TBC1D30: variants seen among roughly 807,000 people sequenced by gnomAD.
The protein encoded by TBC1D30 is TBC1 domain family, member 30.
A neutral mutation model predicts 63.2 loss-of-function variants in TBC1D30; 31 were observed. The ratio of observed to expected loss-of-function variants is 0.49; its 90% CI spans 0.37 to 0.66. The LOEUF (loss-of-function observed/expected upper bound fraction) is 0.66, where lower values mean the gene tolerates loss of function less well. Among genes scored for constraint, TBC1D30 ranks in the 30% least tolerant of loss-of-function variants. The pLI, the probability that TBC1D30 is intolerant of heterozygous loss-of-function variation, is 0.00. For missense variants in TBC1D30, 810 were observed against 953.6 expected (o/e 0.85, Z 1.98); for synonymous variants, 307 against 361.5 (o/e 0.85, Z 1.71).
chr12:64,822,295 C>T (rs1873932398), upstream of TBC1D30, among the ~76,000 whole-genome samples: 1 of 151,748 alleles, frequency 6.6e-6, no homozygotes, highest in South Asian at 2.1e-4. Context: ...ATCCTCCTGC[C>T]TCAGCCTCTC....
chr12:64,829,223 G>T (rs548963791), intron 3 of TBC1D30, among the ~76,000 whole-genome samples: 1 of 152,224 alleles, frequency 6.6e-6, no homozygotes, highest in African/African-American at 2.4e-5. Context: ...TTATGAACGG[G>T]CTACTCTGGG....
intron 2 of TBC1D30, among the ~76,000 whole-genome samples, chr12:64,800,079 C>G (rs547943903): frequency 3.3e-5 from 5 of 152,312 alleles, no homozygotes; most frequent in Middle Eastern, 3.4e-3. Flanking sequence ...ACACTCCAGC[C>G]TGGGCTACAG....
chr12:64,793,876 AG>A (rs1405165118), intron 2 of TBC1D30, among the ~76,000 whole-genome samples: 5 of 152,040 alleles, frequency 3.3e-5, no homozygotes, highest in Non-Finnish European at 7.4e-5. Context: ...CTCATTGTGG[AG>A]GCTTTCTTTG....
In TBC1D30 at chr12:64,875,145, A is replaced by G. The variant is rs1878944033; in HGVS notation, c.1643A>G (p.Lys548Arg). 18 of 1,536,248 alleles carry G rather than the reference A, an allele frequency of 1.2e-5. No individual in the cohort carries two copies. The highest frequency in any genetic ancestry group is 1.5e-5 in the Non-Finnish European group (17 of 1,146,916). The change falls in exon 12 of 12, where the codon AAA becomes AGA. Residue 548 changes from lysine to arginine, a missense_variant. This residue lies in a region of TBC1D30 where 450 missense variants were observed against 473.0 expected (regional missense o/e 0.95). Transcript: ENST00000539867. ...VIHIPGHTGG[K>R]ISPVPYEDLK... ...CACATCCCTGGTCACACAGGAGGGA[A>G]AATATCTCCTGTCCCCTACGAAGAC...
chr12:64,763,478 C>G (rs766460327), intron 1 of TBC1D30, among the ~76,000 whole-genome samples: 5 of 152,048 alleles, frequency 3.3e-5, no homozygotes, highest in Admixed American at 6.6e-5. Context: ...AATGATTATT[C>G]TCTTCCTCTT....
chr12:64,819,950 G>A (rs1342695252), upstream of TBC1D30, among the ~76,000 whole-genome samples: 3 of 152,104 alleles, frequency 2.0e-5, no homozygotes, highest in African/African-American at 7.2e-5. Context: ...GTGGTCTGAT[G>A]AGATCTCTGA....
intron 1 of TBC1D30, among the ~76,000 whole-genome samples, chr12:64,763,679 G>T (rs570851992): frequency 6.6e-6 from 1 of 151,296 alleles, no homozygotes; most frequent in East Asian, 2.0e-4. Flanking sequence ...CATGATCTCG[G>T]CTCACTACAA....
At chr12:64,797,236 T>C (rs761527274) in intron 2 of TBC1D30, among the ~76,000 whole-genome samples, 1 of 152,188 alleles carries the variant, frequency 6.6e-6, no homozygotes, top group Non-Finnish European at 1.5e-5. Flanking sequence ...TGGGAACTGT[T>C]GGACTGTTTC....
chr12:64,843,801 T>G (rs941590118), intron 8 of TBC1D30, among the ~76,000 whole-genome samples: 1 of 152,220 alleles, frequency 6.6e-6, no homozygotes, highest in Non-Finnish European at 1.5e-5. Flanking sequence ...TTAGTCTTTC[T>G]TTTCTTTTTT....
chr12:64,834,707 C>CTTTTTTTTT (rs11374555), intron 5 of TBC1D30, among the ~76,000 whole-genome samples: 11 of 76,342 alleles, frequency 1.4e-4, no homozygotes, highest in East Asian at 4.5e-4. Flanking sequence ...CCGTGCCGGG[C>CTTTTTTTTT]TTTTTTTTTT....
intron 3 of TBC1D30, 59 bp from the exon 4 acceptor site, chr12:64,830,318 A>G (rs1874733480): frequency 1.4e-6 from 2 of 1,454,260 alleles, no homozygotes; most frequent in South Asian, 2.7e-5. Context: ...CTACTTTCTA[A>G]TAAAGGTGAA....
chr12:64,776,962 AT>A (rs1402584105), upstream of TBC1D30, among the ~76,000 whole-genome samples: 1 of 152,216 alleles, frequency 6.6e-6, no homozygotes, highest in East Asian at 1.9e-4. Flanking sequence ...ACATACACAA[AT>A]CGATAAATGT....
At chr12:64,814,845 C>G (rs1873428721) in intron 2 of TBC1D30, among the ~76,000 whole-genome samples, 1 of 152,154 alleles carries the variant, frequency 6.6e-6, no homozygotes, top group African/African-American at 2.4e-5. Flanking sequence ...CTTTCAAAAA[C>G]AAGACATAAA....
At chr12:64,823,090 A>G (rs571150971), upstream of TBC1D30, among the ~76,000 whole-genome samples, 2 of 152,276 alleles carry the variant, frequency 1.3e-5, no homozygotes, top group East Asian at 3.9e-4. Flanking sequence ...TAAATATATA[A>G]TTGTAATATT....
intron 1 of TBC1D30, 135 bp downstream of exon 1, chr12:64,825,168 G>T (rs1874203918): frequency 1.5e-6 from 2 of 1,294,816 alleles, no homozygotes; most frequent in African/African-American, 1.5e-5. Context: ...GGGGCACCGC[G>T]TTGGCACCTG....
chr12:64,872,669 G>C (rs747952400), intron 11 of TBC1D30, among the ~76,000 whole-genome samples: 1 of 152,196 alleles, frequency 6.6e-6, no homozygotes, highest in Non-Finnish European at 1.5e-5. Context: ...CATGGGGACT[G>C]TATTAGTCTG....
chr12:64,797,445 G>A (rs1169981444), intron 2 of TBC1D30, among the ~76,000 whole-genome samples: 1 of 152,102 alleles, frequency 6.6e-6, no homozygotes, highest in Non-Finnish European at 1.5e-5. Flanking sequence ...TCCACTCTTT[G>A]TCATTTTCAC....
At position 64,843,421 on chromosome 12, in the gene TBC1D30, C is replaced by A; in HGVS notation, c.974C>A (p.Thr325Asn). The A allele has an allele frequency of 6.5e-7, 1 of 1,536,312 alleles. No individual in the cohort carries two copies. Among genetic ancestry groups the A allele is most frequent in the Non-Finnish European group, 8.7e-7 (1 of 1,146,944 alleles). Residue 325 changes from threonine (T) to asparagine (N), a missense_variant, in exon 8 of 12, where the codon ACC (threonine) becomes AAC (asparagine). Thr to Asn is a moderately conservative substitution (Grantham distance 65). Around this residue, in one of 4 missense-constraint regions of TBC1D30, gnomAD observed 83 missense variants for 121.5 expected, o/e 0.68. Coordinates refer to ENST00000539867, the MANE Select transcript of TBC1D30 (RefSeq NM_015279.2). The stretch of plus-strand genomic sequence containing the variant: ...GAAACAGCAGATGAATTCTACAGCA[C>A]CATGGGGCGCCTTACCCAGGAGATG... ...CCETADEFYS[T>N]MGRLTQEMLE... is the part of the protein sequence containing the mutation.
At chr12:64,772,411 T>C (rs1463411281) in intron 1 of TBC1D30, among the ~76,000 whole-genome samples, 2 of 152,006 alleles carry the variant, frequency 1.3e-5, no homozygotes, top group East Asian at 3.9e-4. Flanking sequence ...CAAGTGCTGG[T>C]ACAATAGGCA....
Sources: allele counts gnomAD v4.1 joint callset (sites outside exome capture counted in the v4.1 genomes callset), GRCh38; gene constraint gnomAD v4.1.1; regional missense constraint gnomAD v4.1.1; transcripts MANE v1.5; gene names NCBI Gene and HGNC (gene_info 2026-07-23, HGNC 2026-07-21).